CDH12: variants seen among roughly 807,000 people sequenced by gnomAD.
CDH12 encodes cadherin-12.
In CDH12, 41 loss-of-function variants were observed where a neutral mutation model predicts 74.1. That is an observed-to-expected ratio of 0.55 (90% CI 0.43 to 0.72). The LOEUF is 0.72. Among genes scored for constraint, CDH12 ranks in the 30% least tolerant of loss-of-function variants. The pLI is 0.00. For missense variants in CDH12, 945 were observed against 977.2 expected (o/e 0.97, Z 0.44); for synonymous variants, 399 against 355.0 (o/e 1.12, Z -1.39).
intron 1 of CDH12, among the ~76,000 whole-genome samples, chr5:22,750,725 A>G (rs916594146): frequency 6.6e-6 from 1 of 152,134 alleles, no homozygotes; most frequent in Non-Finnish European, 1.5e-5. Flanking sequence ...TTGGAAGTAC[A>G]TTGAGGAAGT....
At chr5:22,680,789 T>C (rs969737642) in intron 1 of CDH12, among the ~76,000 whole-genome samples, 8 of 149,102 alleles carry the variant, frequency 5.4e-5, no homozygotes, top group African/African-American at 2.1e-4. Flanking sequence ...CTCTTCTCCA[T>C]TGATTTCTGG....
intron 3 of CDH12, among the ~76,000 whole-genome samples, chr5:22,304,206 C>T (rs982743754): frequency 8.6e-5 from 13 of 151,882 alleles, no homozygotes; most frequent in Non-Finnish European, 1.2e-4. Context: ...AACGAGATGC[C>T]GTAAATAATT....
chr5:22,314,812 G>T (rs1278681614), intron 3 of CDH12, among the ~76,000 whole-genome samples: 1 of 151,264 alleles, frequency 6.6e-6, no homozygotes, highest in African/African-American at 2.4e-5. Context: ...AAGATAAGAG[G>T]AATTCAAGGT....
At chr5:22,306,342 A>G (rs976835330) in intron 3 of CDH12, among the ~76,000 whole-genome samples, 7 of 152,096 alleles carry the variant, frequency 4.6e-5, no homozygotes, top group African/African-American at 1.7e-4. Flanking sequence ...AGGAAAAAAA[A>G]TAATGAGAGA....
chr5:22,006,327 C>T (rs542843991), intron 5 of CDH12, among the ~76,000 whole-genome samples: 73 of 151,974 alleles, frequency 4.8e-4, no homozygotes, highest in Non-Finnish European at 9.3e-4. Context: ...CCAAGCCCAC[C>T]TCTCTGCTTA....
intron 13 of CDH12, among the ~76,000 whole-genome samples, chr5:21,760,003 A>C (rs1579648579): frequency 6.6e-6 from 1 of 152,190 alleles, no homozygotes; most frequent in Non-Finnish European, 1.5e-5. Flanking sequence ...ATGTTCCTAC[A>C]AAAGACATGA....
At chr5:22,229,286 T>C (rs1283475432) in intron 3 of CDH12, among the ~76,000 whole-genome samples, 1 of 151,886 alleles carries the variant, frequency 6.6e-6, no homozygotes, top group Non-Finnish European at 1.5e-5. Flanking sequence ...ATACCCATTC[T>C]TCTATTTAAT....
intron 2 of CDH12, among the ~76,000 whole-genome samples, chr5:22,501,090 A>T (rs1483186699): frequency 6.6e-6 from 1 of 152,184 alleles, no homozygotes; most frequent in Non-Finnish European, 1.5e-5. Context: ...GAAAGAAAAA[A>T]AAAAGATCCT....
chr5:21,922,867 T>A (rs1485135119), intron 6 of CDH12, among the ~76,000 whole-genome samples: 2 of 152,008 alleles, frequency 1.3e-5, no homozygotes, highest in Non-Finnish European at 2.9e-5. Flanking sequence ...CTTGTCTACA[T>A]CATACTCCTC....
intron 1 of CDH12, among the ~76,000 whole-genome samples, chr5:22,631,667 G>A (rs1449719144): frequency 6.6e-6 from 1 of 152,086 alleles, no homozygotes; most frequent in Non-Finnish European, 1.5e-5. Flanking sequence ...ATAAAAAGAA[G>A]AGGTTTAAAT....
chr5:21,814,265 T>C (rs947217117), intron 9 of CDH12, among the ~76,000 whole-genome samples: 9 of 151,976 alleles, frequency 5.9e-5, no homozygotes, highest in African/African-American at 1.7e-4. Flanking sequence ...ATTTTGCATA[T>C]CTCAATTTTA....
At chr5:22,118,181 C>T (rs1019486373) in intron 4 of CDH12, among the ~76,000 whole-genome samples, 10 of 152,078 alleles carry the variant, frequency 6.6e-5, no homozygotes, top group Non-Finnish European at 1.2e-4. Flanking sequence ...CAACAAAATG[C>T]GTGATTTTTA....
At chr5:21,885,765 T>A (rs1752597620) in intron 6 of CDH12, among the ~76,000 whole-genome samples, 1 of 152,174 alleles carries the variant, frequency 6.6e-6, no homozygotes, top group Non-Finnish European at 1.5e-5. Flanking sequence ...TACTATATCA[T>A]CAGTGCTTTC....
intron 1 of CDH12, among the ~76,000 whole-genome samples, chr5:22,510,068 C>A (rs952942889): frequency 6.6e-6 from 1 of 151,180 alleles, no homozygotes; most frequent in South Asian, 2.1e-4. Context: ...CTCAGTGGAG[C>A]GATAAAGAGA....
At chr5:21,844,148 A>G (rs1750026897) in intron 7 of CDH12, among the ~76,000 whole-genome samples, 1 of 152,162 alleles carries the variant, frequency 6.6e-6, no homozygotes, top group Non-Finnish European at 1.5e-5. Flanking sequence ...CAGTTAGATT[A>G]AAACATTAAG....
chr5:22,428,234 CT>C (rs1214791540), intron 2 of CDH12, among the ~76,000 whole-genome samples: 13 of 151,062 alleles, frequency 8.6e-5, no homozygotes, highest in African/African-American at 2.9e-4. Context: ...CACACACAAT[CT>C]ATGTGCATAT....
intron 5 of CDH12, among the ~76,000 whole-genome samples, chr5:22,047,176 A>T (rs781230277): frequency 9.2e-5 from 14 of 152,170 alleles, no homozygotes; most frequent in South Asian, 4.1e-4. Context: ...GTGATGAGCT[A>T]TTCTCTAGCT....
intron 2 of CDH12, among the ~76,000 whole-genome samples, chr5:22,465,345 A>C (rs951797142): frequency 2.2e-4 from 34 of 152,164 alleles, no homozygotes; most frequent in African/African-American, 7.7e-4. Context: ...TAGATGACTC[A>C]TAAAGATCCT....
chr5:22,197,455 T>C (rs1048614199), intron 4 of CDH12, among the ~76,000 whole-genome samples: 6 of 151,748 alleles, frequency 4.0e-5, no homozygotes, highest in Non-Finnish European at 7.4e-5. Context: ...TCAAAATAAA[T>C]AAATAAATAC....
Sources: allele counts gnomAD v4.1 joint callset (sites outside exome capture counted in the v4.1 genomes callset), GRCh38; gene constraint gnomAD v4.1.1; transcripts MANE v1.5; gene names NCBI Gene and HGNC (gene_info 2026-07-23, HGNC 2026-07-21).